IRAK4: variants seen among roughly 807,000 people sequenced by gnomAD.
IRAK4 encodes the protein interleukin-1 receptor-associated kinase 4.
A neutral mutation model predicts 51.8 loss-of-function variants in IRAK4; 44 were observed. The observed-to-expected ratio is 0.85, with a 90% CI of 0.67 to 1.09. IRAK4 has a LOEUF of 1.09. Ranked by LOEUF, IRAK4 falls within the 50% of genes least tolerant of loss-of-function variation. The pLI is 0.00. For synonymous variants in IRAK4, 149 were observed against 174.1 expected (o/e 0.86, Z 1.13); for missense variants, 487 against 538.0 (o/e 0.91, Z 0.94).
At chr12:43,778,331 A>T in intron 8 of IRAK4, 29 bp downstream of exon 8, 1 of 1,227,586 alleles carries the variant, frequency 8.1e-7, no homozygotes, top group Non-Finnish European at 1.2e-6. Context: ...AAGTTTTTGG[A>T]AAGCTGTCTT....
intron 10 of IRAK4, among the ~76,000 whole-genome samples, chr12:43,785,871 GGTAA>G (rs1046029306): frequency 2.0e-5 from 3 of 151,808 alleles, no homozygotes; most frequent in Non-Finnish European, 4.4e-5. Context: ...GTAACACACT[GGTAA>G]GTGTTTGTGT....
At chr12:43,777,788 G>C (rs1338862272) in intron 7 of IRAK4, 44 bp downstream of exon 7, 1 of 1,409,190 alleles carries the variant, frequency 7.1e-7, no homozygotes, top group Admixed American at 1.7e-5. Context: ...TTGTTTATAT[G>C]CTGGAATATT....
intron 1 of IRAK4, 24 bp downstream of exon 1, chr12:43,759,040 C>T (rs1939117866): frequency 6.6e-6 from 1 of 152,176 alleles, no homozygotes; most frequent in Admixed American, 6.5e-5. Context: ...CGCCTTAATG[C>T]CTCGGTCAAA....
intron 1 of IRAK4, among the ~76,000 whole-genome samples, chr12:43,762,119 C>T (rs978993029): frequency 6.6e-6 from 1 of 151,986 alleles, no homozygotes; most frequent in African/African-American, 2.4e-5. Flanking sequence ...AAAGTCATCA[C>T]CAAGGGATAA....
At position 43,768,202 on chromosome 12, in the gene IRAK4, G is replaced by A. The variant is rs2137901159; in HGVS notation, c.91G>A (p.Gly31Arg). 6.2e-7 allele frequency: 1 copy of A among 1,613,430 alleles called. No individual in the cohort carries two copies. Among genetic ancestry groups the A allele is most frequent in the South Asian group, 1.1e-5 (1 of 91,032 alleles). The change falls in exon 2 of 12, where the codon GGA becomes AGA. Residue 31 changes from glycine (G) to arginine (R), a missense_variant. Transcript: ENST00000613694. ...GTCAGATTTTATTGATCCTCAAGAA[G>A]GATGGAAGAAGTTAGCTGTAGCTAT... The part of the protein sequence containing the change: ...KLSDFIDPQE[G>R]WKKLAVAIKK...
At chr12:43,765,418 G>A (rs1274731806) in intron 1 of IRAK4, among the ~76,000 whole-genome samples, 2 of 152,118 alleles carry the variant, frequency 1.3e-5, no homozygotes, top group East Asian at 3.9e-4. Context: ...TGGGGGCATT[G>A]TCCCCATAAA....
chr12:43,779,813 A>G (rs993725032), intron 8 of IRAK4, among the ~76,000 whole-genome samples: 1 of 152,172 alleles, frequency 6.6e-6, no homozygotes, highest in Non-Finnish European at 1.5e-5. Flanking sequence ...GTAGTAGTAG[A>G]GATGGTAGAC....
chr12:43,772,465 A>C (rs1165769280), intron 4 of IRAK4, 103 bp downstream of exon 4: 1 of 996,172 alleles, frequency 1.0e-6, no homozygotes, highest in Admixed American at 1.8e-5. Flanking sequence ...AATCACAGGC[A>C]CACTGGCAAT....
rs113588409 is a variant in IRAK4 at position 43,768,226 on chromosome 12, A to G, written c.115A>G (p.Ile39Val). 1 of 1,613,240 alleles carries G rather than the reference A, an allele frequency of 6.2e-7. No homozygotes were observed. Among genetic ancestry groups the G allele is most frequent in the African/African-American group, 1.3e-5 (1 of 75,024 alleles). Residue 39 changes from isoleucine (I) to valine (V), a missense_variant, in exon 2 of 12, where the codon ATT becomes GTT. Ile to Val is a conservative substitution (Grantham distance 29, BLOSUM62 3). Transcript: ENST00000613694. ...QEGWKKLAVAIKKPSGDDRYN... is the reference protein window; with the variant it reads ...QEGWKKLAVAVKKPSGDDRYN... ...AGGATGGAAGAAGTTAGCTGTAGCTATTAAAAAACCATCTGGTGATGATAG... is the reference window on the plus strand; with the variant it reads ...AGGATGGAAGAAGTTAGCTGTAGCTGTTAAAAAACCATCTGGTGATGATAG...
chr12:43,783,135 G>A (rs1209311484), intron 9 of IRAK4, among the ~76,000 whole-genome samples: 2 of 152,012 alleles, frequency 1.3e-5, no homozygotes, highest in Non-Finnish European at 2.9e-5. Context: ...GGTCATGTTG[G>A]GGTCCAAGAT....
Position 43,786,428 on chromosome 12 carries a change from A to G in IRAK4, c.1218A>G (p.Glu406=). ...ATATTAAAGAAGAAATTGAAGATGA[A>G]GAAAAGACAATTGAAGATTATATTG... is the stretch of plus-strand genomic sequence containing the variant. ...LLDIKEEIED[E]EKTIEDYIDK... Residue 406 remains glutamate, a synonymous_variant, in exon 11 of 12, where the codon GAA becomes GAG. Transcript: ENST00000613694. 6.3e-7 allele frequency: 1 copy of G among 1,599,118 alleles called. No homozygotes were observed. The highest frequency in any genetic ancestry group is 8.5e-7 in the Non-Finnish European group (1 of 1,172,902).
chr12:43,782,386 C>G lies in IRAK4; in HGVS notation c.1021C>G (p.Gln341Glu), dbSNP rs1301965792. Residue 341 changes from glutamine to glutamate, a missense_variant, in exon 9 of 12, where the codon CAG (glutamine) becomes GAG (glutamate). Coordinates refer to ENST00000613694, the MANE Select transcript of IRAK4 (RefSeq NM_016123.4). ...GLARASEKFA[Q>E]TVMTSRIVGT... Reference sequence around the variant, plus strand: ...TGCACGGGCTTCTGAGAAGTTTGCCCAGACAGTCATGACTAGCAGAATTGT... The same window carrying G: ...TGCACGGGCTTCTGAGAAGTTTGCCGAGACAGTCATGACTAGCAGAATTGT... The G allele has an allele frequency of 6.2e-7, 1 of 1,613,808 alleles. No homozygotes were observed. The highest frequency in any genetic ancestry group is 1.7e-5 in the Admixed American group (1 of 60,014).
At chr12:43,780,630 G>C (rs1213878035) in intron 8 of IRAK4, among the ~76,000 whole-genome samples, 1 of 148,022 alleles carries the variant, frequency 6.8e-6, no homozygotes. Flanking sequence ...GGAGTGCGAT[G>C]GCGCGGTCTT....
chr12:43,774,578 A>C (rs4251482), intron 6 of IRAK4, among the ~76,000 whole-genome samples: 48 of 152,328 alleles, frequency 3.2e-4, no homozygotes, highest in South Asian at 2.1e-3. Context: ...AAGTTACGTG[A>C]AATTTCACTA....
At chr12:43,761,168 T>C (rs866186518) in intron 1 of IRAK4, among the ~76,000 whole-genome samples, 4 of 152,212 alleles carry the variant, frequency 2.6e-5, no homozygotes, top group Non-Finnish European at 4.4e-5. Context: ...TTGTTCATAA[T>C]GATGATGTTA....
At chr12:43,770,071 CT>C (rs1279312945) in intron 2 of IRAK4, among the ~76,000 whole-genome samples, 1 of 152,086 alleles carries the variant, frequency 6.6e-6, no homozygotes, top group African/African-American at 2.4e-5. Flanking sequence ...ATTTTTTCAA[CT>C]TTTCTGTAAG....
chr12:43,772,040 G>A, intron 3 of IRAK4, 140 bp from the exon 4 acceptor site: 1 of 674,280 alleles, frequency 1.5e-6, no homozygotes, highest in Non-Finnish European at 2.6e-6. Context: ...TTACTAGGCA[G>A]CTTCTTGTGT....
intron 8 of IRAK4, among the ~76,000 whole-genome samples, chr12:43,780,327 T>A (rs966339549): frequency 1.3e-5 from 2 of 152,108 alleles, no homozygotes; most frequent in African/African-American, 4.8e-5. Context: ...TTCAGGAAAC[T>A]TTTTTTAAGC....
At chr12:43,775,714 C>G (rs1403358461) in intron 6 of IRAK4, among the ~76,000 whole-genome samples, 1 of 151,940 alleles carries the variant, frequency 6.6e-6, no homozygotes, top group Non-Finnish European at 1.5e-5. Flanking sequence ...ACTTTATCAT[C>G]TAGGGTAAAG....
Sources: gnomAD v4.1 joint callset for allele counts (sites outside exome capture counted in the v4.1 genomes callset) on GRCh38, gnomAD v4.1.1 for gene constraint, MANE v1.5 for transcripts, NCBI Gene and HGNC (gene_info 2026-07-23, HGNC 2026-07-21) for gene names.